Variants in FOLH1 observed in about 807,000 individuals in gnomAD.
The protein encoded by FOLH1 is glutamate carboxypeptidase 2.
Under a neutral mutation model 93.9 loss-of-function variants are expected in FOLH1, and 54 were observed. The ratio of observed to expected loss-of-function variants is 0.57; its 90% CI spans 0.46 to 0.72. The LOEUF is 0.72. Ranked by LOEUF, FOLH1 falls within the 30% of genes least tolerant of loss-of-function variation. The pLI is 0.00. For missense variants in FOLH1, 571 were observed against 892.5 expected, an observed-to-expected ratio of 0.64 and a Z score of 4.59; for synonymous variants, 249 against 303.6, an observed-to-expected ratio of 0.82 and a Z score of 1.87.
chr11:49,175,204 C>T (rs1276747978), intron 8 of FOLH1, among the ~76,000 whole-genome samples: 1 of 152,116 alleles, frequency 6.6e-6, no homozygotes, highest in Non-Finnish European at 1.5e-5. Flanking sequence ...TAAAGTTTAA[C>T]TAGCACCCTC....
chr11:49,189,028 C>T (rs1861724111), intron 4 of FOLH1, among the ~76,000 whole-genome samples: 1 of 152,096 alleles, frequency 6.6e-6, no homozygotes, highest in African/African-American at 2.4e-5. Context: ...CTAATTGTCT[C>T]TTTTTTTGAA....
intron 18 of FOLH1, 117 bp downstream of exon 18, chr11:49,148,521 GA>G (rs1321773094): frequency 1.5e-5 from 11 of 730,406 alleles, no homozygotes; most frequent in Non-Finnish European, 2.2e-5. Context: ...CATATATTTT[GA>G]AATTTTCTAT....
intron 10 of FOLH1, 37 bp from the exon 11 acceptor site, chr11:49,171,314 A>T: frequency 6.5e-7 from 1 of 1,530,254 alleles, no homozygotes; most frequent in Non-Finnish European, 8.8e-7. Flanking sequence ...ATAGAAAAAA[A>T]ATTCATAATA....
rs1214193551 is a variant in FOLH1 at position 49,192,860 on chromosome 11, G to A, written c.446C>T (p.Pro149Leu). 1.2e-6 allele frequency: 2 copies of A among 1,601,064 alleles called. No homozygotes were observed. The highest frequency in any genetic ancestry group is 1.1e-5 in the South Asian group (1 of 88,636). ...AATATCCGAAACATTTTCATATCCT[G>A]GAGGAGGTGGTTCAAATAATGATGT... Reference protein sequence around the residue: ...FNTSLFEPPPPGYENVSDIVP... With the variant: ...FNTSLFEPPPLGYENVSDIVP... The change falls in exon 4 of 19, where the codon CCA becomes CTA. Residue 149 changes from proline to leucine, a missense_variant. Coordinates refer to ENST00000256999, the MANE Select transcript of FOLH1 (RefSeq NM_004476.3).
At chr11:49,163,566 G>T (rs1423726816) in intron 13 of FOLH1, among the ~76,000 whole-genome samples, 6 of 151,038 alleles carry the variant, frequency 4.0e-5, no homozygotes, top group Non-Finnish European at 7.4e-5. Context: ...TGGCTGGCTG[G>T]AAATCCAAGC....
chr11:49,207,865 G>C (rs1447262299), intron 1 of FOLH1: 1 of 459,356 alleles, frequency 2.2e-6, no homozygotes. Flanking sequence ...CCAGATTGCT[G>C]ACCTGGTTCA....
chr11:49,174,913 G>C lies in FOLH1; in HGVS notation c.1084C>G (p.Leu362Val). 2 of 1,610,230 alleles carry C rather than the reference G, an allele frequency of 1.2e-6. No homozygotes were observed. The highest frequency in any genetic ancestry group is 2.2e-5 in the South Asian group (2 of 90,756). ...VTRIYNVIGTLRGAVEPDRYV... is the reference protein window; with the variant it reads ...VTRIYNVIGTVRGAVEPDRYV... ...TTACCTGGTTCCACTGCTCCTCTGA[G>C]AGTACCTATCACATTGTAAATTCTT... The change falls in exon 9 of 19, where the codon CTC (leucine) becomes GTC (valine). Residue 362 changes from leucine (L) to valine (V), a missense_variant. Leu to Val is a conservative substitution (Grantham distance 32). Around this residue, in one of 2 missense-constraint regions of FOLH1, gnomAD observed 500 missense variants for 822.9 expected, o/e 0.61. Transcript: ENST00000256999.
chr11:49,146,918 G>A lies in FOLH1; in HGVS notation c.2091C>T (p.His697=). ...GGAATGACTCCCCTGCATACTTGTT[G>A]TGGCTGCTTGGAGCATAGATGACAT... ...YRHVIYAPSS[H]NKYAGESFPG... is the part of the protein sequence containing the mutation. The change falls in exon 19 of 19, where the codon CAC becomes CAT. Residue 697 remains histidine, a synonymous_variant. Coordinates refer to ENST00000256999, the MANE Select transcript of FOLH1 (RefSeq NM_004476.3). 6.2e-7 allele frequency: 1 copy of A among 1,612,624 alleles called. No individual in the cohort carries two copies. Among genetic ancestry groups the A allele is most frequent in the Non-Finnish European group, 8.5e-7 (1 of 1,179,238 alleles).
At chr11:49,160,059 C>T (rs564678941) in intron 13 of FOLH1, among the ~76,000 whole-genome samples, 3 of 152,080 alleles carry the variant, frequency 2.0e-5, no homozygotes, top group South Asian at 4.1e-4. Context: ...ATTACAGGCA[C>T]CTGCCACCAC....
chr11:49,207,041 C>G (rs1171535978), intron 1 of FOLH1, among the ~76,000 whole-genome samples: 1 of 152,158 alleles, frequency 6.6e-6, no homozygotes, highest in Non-Finnish European at 1.5e-5. Flanking sequence ...TATATACATG[C>G]ATATTAAAAT....
At chr11:49,180,838 G>A (rs1465247323) in intron 7 of FOLH1, among the ~76,000 whole-genome samples, 1 of 152,184 alleles carries the variant, frequency 6.6e-6, no homozygotes, top group Non-Finnish European at 1.5e-5. Context: ...AATTTTGAAT[G>A]TAAAATGCAC....
At chr11:49,180,810 G>A (rs189421210) in intron 7 of FOLH1, among the ~76,000 whole-genome samples, 15 of 152,260 alleles carry the variant, frequency 9.9e-5, no homozygotes, top group Non-Finnish European at 1.9e-4. Context: ...GATAAATAGT[G>A]TCTATTTTTA....
intron 6 of FOLH1, among the ~76,000 whole-genome samples, chr11:49,184,990 G>A (rs1484472703): frequency 2.0e-5 from 3 of 152,156 alleles, no homozygotes; most frequent in Admixed American, 6.5e-5. Flanking sequence ...TCCTCCCTGT[G>A]AATAAGAGAT....
At chr11:49,166,776 G>A (rs1362393646) in intron 12 of FOLH1, among the ~76,000 whole-genome samples, 1 of 152,152 alleles carries the variant, frequency 6.6e-6, no homozygotes, top group Non-Finnish European at 1.5e-5. Context: ...AGTACCTCCT[G>A]TCCTTTGTTC....
In FOLH1 at chr11:49,156,702, T is replaced by C. The variant is rs61886486; in HGVS notation, c.1623+15A>G. ...ATATTCATAAATAATCTTAGATAATTTGAGATTCACTTACCCAATTTTTAG... is the reference window on the plus strand; with the variant it reads ...ATATTCATAAATAATCTTAGATAATCTGAGATTCACTTACCCAATTTTTAG... On this transcript the variant is annotated intron_variant, in intron 15 of 18. Transcript: ENST00000256999. 0.049 allele frequency: 79,184 copies of C among 1,612,230 alleles called. 2,186 individuals carry two copies. The highest frequency in any genetic ancestry group is 0.055 in the Non-Finnish European group (65,367 of 1,178,736).
intron 12 of FOLH1, among the ~76,000 whole-genome samples, chr11:49,168,011 AT>A (rs1184302154): frequency 1.3e-5 from 2 of 150,270 alleles, no homozygotes; most frequent in African/African-American, 4.9e-5. Context: ...TAAAGAAAAT[AT>A]TCTAAAAAAT....
intron 15 of FOLH1, among the ~76,000 whole-genome samples, chr11:49,155,282 C>T (rs1204520363): frequency 6.6e-6 from 1 of 151,968 alleles, no homozygotes; most frequent in Admixed American, 6.6e-5. Flanking sequence ...GTAATTTTTT[C>T]GTAGTAAAAT....
At chr11:49,197,841 G>A (rs1862783418) in intron 3 of FOLH1, among the ~76,000 whole-genome samples, 1 of 152,066 alleles carries the variant, frequency 6.6e-6, no homozygotes. Context: ...TATAGAAATA[G>A]ATGTAAATAT....
intron 7 of FOLH1, among the ~76,000 whole-genome samples, chr11:49,182,498 C>T (rs1860880547): frequency 6.6e-6 from 1 of 151,894 alleles, no homozygotes; most frequent in Admixed American, 6.6e-5. Context: ...GAGATAAAAA[C>T]AAAATGGAAG....
Sources: gnomAD v4.1 joint callset for allele counts (sites outside exome capture counted in the v4.1 genomes callset) on GRCh38, gnomAD v4.1.1 for gene constraint, gnomAD v4.1.1 regional missense constraint, MANE v1.5 for transcripts, NCBI Gene and HGNC (gene_info 2026-07-23, HGNC 2026-07-21) for gene names.